SMAD2: variants seen among roughly 807,000 people sequenced by gnomAD.
SMAD2 encodes SMAD family member 2.
SMAD2 carries 8 observed loss-of-function variants against 64.4 expected under a neutral mutation model. That is an observed-to-expected ratio of 0.12 (90% CI 0.07 to 0.22). SMAD2 has a LOEUF of 0.22. Ranked by LOEUF, SMAD2 falls within the 10% of genes least tolerant of loss-of-function variation. The probability of loss-of-function intolerance (pLI) is 1.00; values close to 1 mark genes in which losing one functional copy is unlikely to be tolerated. For missense variants in SMAD2, 289 were observed against 561.2 expected, an observed-to-expected ratio of 0.51 and a Z score of 4.90; for synonymous variants, 203 against 195.8, an observed-to-expected ratio of 1.04 and a Z score of -0.31.
intron 2 of SMAD2, among the ~76,000 whole-genome samples, chr18:47,873,715 C>A (rs2032083514): frequency 6.6e-6 from 1 of 152,030 alleles, no homozygotes; most frequent in African/African-American, 2.4e-5. Flanking sequence ...AGACACAGAT[C>A]AAAAACAGAC....
intron 8 of SMAD2, among the ~76,000 whole-genome samples, chr18:47,847,839 T>A (rs190390626): frequency 6.6e-6 from 1 of 152,206 alleles, no homozygotes; most frequent in East Asian, 1.9e-4. Flanking sequence ...TACTCCACTG[T>A]ACAGTCATGA....
In SMAD2 at chr18:47,820,036, T is replaced by A. The variant is rs1048917575; in HGVS notation, c.*21791A>T. On this transcript the variant is annotated 3_prime_UTR_variant, in exon 11 of 11. Transcript: ENST00000262160. The stretch of plus-strand genomic sequence containing the variant: ...CTAAAAAATAAACCAAAAGAATGTT[T>A]TTAAAAATAGGATGTTAATGAACTT... 2.6e-5 allele frequency: 4 copies of A among 152,090 alleles called. No homozygotes were observed. In the South Asian group the frequency reaches 8.3e-4, roughly 31 times the overall value. 9.4% of individuals were successfully genotyped at this position (152,090 alleles called of 1,614,324 possible).
chr18:47,894,716 C>T (rs1429111433), intron 2 of SMAD2, among the ~76,000 whole-genome samples: 3 of 152,170 alleles, frequency 2.0e-5, no homozygotes, highest in African/African-American at 2.4e-5. Flanking sequence ...CCTCATGAAA[C>T]CATCTTTTTC....
Position 47,810,564 on chromosome 18 carries a change from T to C in SMAD2, c.*31263A>G, listed in dbSNP as rs1427776783. On this transcript the variant is annotated 3_prime_UTR_variant, in exon 11 of 11. Coordinates refer to ENST00000262160, the MANE Select transcript of SMAD2 (RefSeq NM_005901.6). ...GTCCTCCCAAATAAAAAGTATCTTT[T>C]TCCTACAGTTTCCACAAGGCTAGGC... The C allele has an allele frequency of 2.6e-5, 4 of 152,196 alleles. No homozygotes were observed. 9.4% of individuals were successfully genotyped at this position (152,196 alleles called of 1,614,324 possible).
chr18:47,865,639 T>G (rs16958557), intron 5 of SMAD2, among the ~76,000 whole-genome samples: 2,612 of 152,304 alleles, frequency 0.017, 67 homozygotes, highest in African/African-American at 0.059. Flanking sequence ...AGAGTATGGT[T>G]CCGGATTGGT....
At chr18:47,860,631 C>G (rs569906860) in intron 6 of SMAD2, among the ~76,000 whole-genome samples, 1 of 151,784 alleles carries the variant, frequency 6.6e-6, no homozygotes, top group Non-Finnish European at 1.5e-5. Flanking sequence ...AGAAACTCTT[C>G]GAGAAAACAG....
rs1913582522 is a variant in SMAD2 at position 47,837,887 on chromosome 18, T to C, written c.*3940A>G. 4.3e-6 allele frequency: 1 copy of C among 232,692 alleles called. No homozygotes were observed. Among genetic ancestry groups the C allele is most frequent in the African/African-American group, 2.2e-5 (1 of 45,270 alleles). The allele number at this position is 232,692 out of a possible 1,614,324, so 14.4% of individuals were successfully genotyped here. On this transcript the variant is annotated 3_prime_UTR_variant, in exon 11 of 11. Coordinates refer to ENST00000262160, the MANE Select transcript of SMAD2 (RefSeq NM_005901.6). ...AGTAAAGACTGTACATGAAGACATA[T>C]TTTATGTACAGTGAAGATTGTCTTG...
Position 47,824,243 on chromosome 18 carries a change from T to TG in SMAD2, c.*17583dup, listed in dbSNP as rs1252788784. 2 of 152,166 alleles carry TG rather than the reference T, an allele frequency of 1.3e-5. No individual in the cohort carries two copies. Among genetic ancestry groups the TG allele is most frequent in the East Asian group, 3.8e-4 (2 of 5,196 alleles). 9.4% of individuals were successfully genotyped at this position (152,166 alleles called of 1,614,324 possible). On this transcript the variant is annotated 3_prime_UTR_variant, in exon 11 of 11. Coordinates refer to ENST00000262160, the MANE Select transcript of SMAD2 (RefSeq NM_005901.6). ...TCATGTTTCCAAAAGCCCTGACAAA[T>TG]GGAGCCAGGGAAGTCCATGAAGAGA...
Position 47,838,357 on chromosome 18 carries a change from A to G in SMAD2, c.*3470T>C, listed in dbSNP as rs967958767. ...AAAATTAGGCAGATTTCCTTCTGCC[A>G]AAGTGACAGGTCCTGAGGAAAAAAA... On this transcript the variant is annotated 3_prime_UTR_variant, in exon 11 of 11. Coordinates refer to ENST00000262160, the MANE Select transcript of SMAD2 (RefSeq NM_005901.6). 4.3e-6 allele frequency: 1 copy of G among 233,322 alleles called. No individual in the cohort carries two copies. The highest frequency in any genetic ancestry group is 6.0e-5 in the East Asian group (1 of 16,686). The allele number at this position is 233,322 out of a possible 1,614,324, so 14.5% of individuals were successfully genotyped here. A position where few individuals can be genotyped will look rare whatever the true frequency, so the allele number is the denominator to read the frequency against.
In SMAD2 at chr18:47,841,038, G is replaced by GC. The variant is rs1913894863; in HGVS notation, c.*788_*789insG. The GC allele has an allele frequency of 4.3e-6, 1 of 231,642 alleles. No individual in the cohort carries two copies. Among genetic ancestry groups the GC allele is most frequent in the South Asian group, 1.8e-4 (1 of 5,500 alleles). 14.3% of individuals were successfully genotyped at this position (231,642 alleles called of 1,614,324 possible). On this transcript the variant is annotated 3_prime_UTR_variant, in exon 11 of 11. Transcript: ENST00000262160. ...CAGTATCAATGCAACTATTACTGGT[G>GC]ATGATGTCATGTTATGCTGTTTTGA... is the stretch of plus-strand genomic sequence containing the variant.
intron 7 of SMAD2, among the ~76,000 whole-genome samples, chr18:47,850,238 A>AG (rs1568039887): frequency 0.018 from 883 of 48,064 alleles, 38 homozygotes; most frequent in African/African-American, 0.069. Flanking sequence ...TATATTATAT[A>AG]TTATATATTA....
At chr18:47,861,997 C>G (rs1044226728) in intron 6 of SMAD2, among the ~76,000 whole-genome samples, 2 of 152,198 alleles carry the variant, frequency 1.3e-5, no homozygotes, top group African/African-American at 4.8e-5. Flanking sequence ...CTCAGATAGT[C>G]TAGCTCAGAG....
intron 6 of SMAD2, 126 bp downstream of exon 6, chr18:47,864,930 TAGA>T: frequency 5.9e-6 from 4 of 678,656 alleles, no homozygotes; most frequent in East Asian, 2.7e-5. Context: ...TAAATCAAGA[TAGA>T]AGATCATCTT....
chr18:47,868,630 C>CTTA, intron 4 of SMAD2, among the ~76,000 whole-genome samples, 173 bp from the exon 5 acceptor site: 1 of 152,142 alleles, frequency 6.6e-6, no homozygotes, highest in South Asian at 2.1e-4. Flanking sequence ...ATGGCTCTAA[C>CTTA]TTAGGTAGTC....
chr18:47,921,676 G>C (rs964663568), intron 1 of SMAD2, among the ~76,000 whole-genome samples: 2 of 152,090 alleles, frequency 1.3e-5, no homozygotes, highest in African/African-American at 4.8e-5. Context: ...AGTTCCCACA[G>C]TTCTGTCTCC....
intron 1 of SMAD2, among the ~76,000 whole-genome samples, chr18:47,907,772 C>T (rs2033964084): frequency 6.6e-6 from 1 of 151,984 alleles, no homozygotes; most frequent in Admixed American, 6.6e-5. Context: ...AGCAACATGG[C>T]GAAACCCTGT....
chr18:47,906,441 A>C (rs944752423), intron 1 of SMAD2, among the ~76,000 whole-genome samples: 1 of 152,218 alleles, frequency 6.6e-6, no homozygotes, highest in African/African-American at 2.4e-5. Flanking sequence ...GACATGTCAT[A>C]AAAGACACAG....
chr18:47,881,723 T>A (rs1217961516), intron 2 of SMAD2, among the ~76,000 whole-genome samples: 3 of 152,206 alleles, frequency 2.0e-5, no homozygotes, highest in African/African-American at 4.8e-5. Context: ...GTTTCTTAAA[T>A]ACCTTTTATC....
chr18:47,842,208 T>G (rs149337175), intron 10 of SMAD2, among the ~76,000 whole-genome samples: 43 of 152,228 alleles, frequency 2.8e-4, no homozygotes, highest in African/African-American at 1.0e-3. Flanking sequence ...TTCACCATCA[T>G]CCAAAATGGA....
Sources: gnomAD v4.1 joint callset for allele counts (sites outside exome capture counted in the v4.1 genomes callset) on GRCh38, gnomAD v4.1.1 for gene constraint, MANE v1.5 for transcripts, NCBI Gene and HGNC (gene_info 2026-07-23, HGNC 2026-07-21) for gene names.